Variants in DAB1 observed in about 807,000 individuals in gnomAD.
The protein encoded by DAB1 is DAB adaptor protein 1.
Under a neutral mutation model 64.6 loss-of-function variants are expected in DAB1, and 15 were observed. The ratio of observed to expected loss-of-function variants is 0.23; its 90% CI spans 0.16 to 0.36. DAB1 has a LOEUF of 0.36. Ranked by LOEUF, DAB1 falls within the 10% of genes least tolerant of loss-of-function variation. DAB1 has a pLI of 1.00. For synonymous variants in DAB1, 235 were observed against 251.9 expected (o/e 0.93, Z 0.64); for missense variants, 596 against 706.7 (o/e 0.84, Z 1.78).
chr1:57,423,240 C>T (rs1396950367), intron 1 of DAB1, among the ~76,000 whole-genome samples: 1 of 139,396 alleles, frequency 7.2e-6, no homozygotes, highest in Non-Finnish European at 1.6e-5. Flanking sequence ...GGGGAGGCGA[C>T]TAGCTGGGCG....
At chr1:57,665,223 G>A (rs1046136681) in intron 6 of DAB1, among the ~76,000 whole-genome samples, 1 of 152,004 alleles carries the variant, frequency 6.6e-6, no homozygotes, top group Admixed American at 6.6e-5. Context: ...TTAATACAAT[G>A]AATAAACAAG....
intron 2 of DAB1, among the ~76,000 whole-genome samples, chr1:57,197,215 G>A (rs1056206609): frequency 1.1e-4 from 16 of 152,088 alleles, no homozygotes; most frequent in African/African-American, 2.4e-4. Context: ...ATGGTGGCAC[G>A]TGTCTGTAAT....
At chr1:58,498,193 A>G (rs1175524572) in intron 3 of DAB1, among the ~76,000 whole-genome samples, 4 of 152,034 alleles carry the variant, frequency 2.6e-5, no homozygotes, top group Non-Finnish European at 5.9e-5. Context: ...ATTATTCTCT[A>G]TCTTGACATG....
chr1:57,935,599 G>A (rs548755875), intron 5 of DAB1, among the ~76,000 whole-genome samples: 3 of 152,304 alleles, frequency 2.0e-5, no homozygotes, highest in Non-Finnish European at 4.4e-5. Flanking sequence ...TATTTACAAT[G>A]ATTCTGGGAG....
intron 3 of DAB1, among the ~76,000 whole-genome samples, chr1:58,496,452 T>C (rs1478345785): frequency 6.6e-6 from 1 of 152,214 alleles, no homozygotes; most frequent in Non-Finnish European, 1.5e-5. Flanking sequence ...CCGCCTTGCC[T>C]GTCCTCTCCC....
downstream of DAB1, among the ~76,000 whole-genome samples, chr1:57,825,455 T>A (rs1423389111): frequency 6.6e-6 from 1 of 152,184 alleles, no homozygotes; most frequent in Non-Finnish European, 1.5e-5. Context: ...GAAGCCAGAT[T>A]GTCAAAGCAT....
intron 7 of DAB1, among the ~76,000 whole-genome samples, chr1:57,475,044 G>A (rs1643917456): frequency 6.6e-6 from 1 of 152,174 alleles, no homozygotes; most frequent in East Asian, 1.9e-4. Context: ...TAGATCACCT[G>A]AGGTCAGGAG....
At chr1:57,528,637 G>GACACAC (rs372009576) in intron 7 of DAB1, among the ~76,000 whole-genome samples, 2,147 of 21,950 alleles carry the variant, frequency 0.098, 69 homozygotes, top group African/African-American at 0.11. Flanking sequence ...AAAGCAGCAG[G>GACACAC]ACACACACAC....
chr1:57,122,937 C>T (rs772007350), intron 4 of DAB1, among the ~76,000 whole-genome samples: 23 of 152,068 alleles, frequency 1.5e-4, no homozygotes, highest in Non-Finnish European at 2.6e-4. Context: ...CTCCAAAGAG[C>T]GCCTGAGTCA....
At chr1:58,462,824 C>G (rs1266924590) in intron 3 of DAB1, 1 of 152,176 alleles carries the variant, frequency 6.6e-6, no homozygotes, top group African/African-American at 2.4e-5. Context: ...ACAGACATAC[C>G]TCTGAGTGTT....
intron 6 of DAB1, among the ~76,000 whole-genome samples, chr1:57,811,962 T>G (rs987193025): frequency 3.3e-5 from 5 of 152,168 alleles, no homozygotes; most frequent in African/African-American, 9.7e-5. Flanking sequence ...CCAAAGGACT[T>G]CAGGCAGAAG....
intron 8 of DAB1, among the ~76,000 whole-genome samples, chr1:57,064,669 C>G (rs1010642216): frequency 2.0e-5 from 3 of 152,178 alleles, no homozygotes; most frequent in Admixed American, 6.5e-5. Flanking sequence ...TGCCATTTGA[C>G]TGCTATACTA....
chr1:57,149,331 T>C (rs1216059036), intron 2 of DAB1, among the ~76,000 whole-genome samples: 1 of 152,184 alleles, frequency 6.6e-6, no homozygotes, highest in Non-Finnish European at 1.5e-5. Flanking sequence ...TCAATTCTCT[T>C]AAAATTATTC....
At chr1:58,536,623 C>T (rs1163662540) in intron 1 of DAB1, 2 of 872,684 alleles carry the variant, frequency 2.3e-6, no homozygotes, top group Admixed American at 1.7e-5. Flanking sequence ...TAAAACACCA[C>T]AAAGAGCAAT....
At chr1:57,794,953 C>T (rs574419189) in intron 6 of DAB1, among the ~76,000 whole-genome samples, 9 of 152,356 alleles carry the variant, frequency 5.9e-5, no homozygotes, top group Admixed American at 2.0e-4. Flanking sequence ...TAGCGGTCCT[C>T]ATGGGAAGAT....
chr1:57,129,325 A>AT (rs1182493761), intron 4 of DAB1, among the ~76,000 whole-genome samples: 4 of 151,934 alleles, frequency 2.6e-5, no homozygotes, highest in East Asian at 1.9e-4. Context: ...CTACGAATTG[A>AT]TTTTTTTTAT....
intron 6 of DAB1, among the ~76,000 whole-genome samples, chr1:57,731,478 T>C (rs1647413476): frequency 6.6e-6 from 1 of 152,060 alleles, no homozygotes; most frequent in African/African-American, 2.4e-5. Flanking sequence ...GCTATGTATA[T>C]CTTACCACAA....
At chr1:58,379,956 A>G (rs553378596) in intron 3 of DAB1, among the ~76,000 whole-genome samples, 1 of 152,172 alleles carries the variant, frequency 6.6e-6, no homozygotes, top group African/African-American at 2.4e-5. Context: ...CTAGGTGTAG[A>G]TATGTACCTA....
intron 5 of DAB1, among the ~76,000 whole-genome samples, chr1:58,025,517 T>C (rs1646876141): frequency 6.6e-6 from 1 of 150,818 alleles, no homozygotes; most frequent in African/African-American, 2.4e-5. Flanking sequence ...TCTTGTCTCC[T>C]ATTAAATGTA....
Sources: gnomAD v4.1 joint callset for allele counts (sites outside exome capture counted in the v4.1 genomes callset) on GRCh38, gnomAD v4.1.1 for gene constraint, MANE v1.5 for transcripts, NCBI Gene and HGNC (gene_info 2026-07-23, HGNC 2026-07-21) for gene names.